The following CALN1 variants were observed in gnomAD, a reference collection of about 807,000 sequenced individuals.
CALN1 encodes the protein calneuron 1.
In CALN1, 17 loss-of-function variants were observed where a neutral mutation model predicts 30.6. The ratio of observed to expected loss-of-function variants is 0.56; its 90% CI spans 0.38 to 0.83. The LOEUF is 0.83. Among genes scored for constraint, CALN1 ranks in the 40% least tolerant of loss-of-function variants. The pLI is 0.00. For synonymous variants in CALN1, 156 were observed against 131.4 expected (o/e 1.19, Z -1.28); for missense variants, 291 against 354.9 (o/e 0.82, Z 1.45).
chr7:71,878,794 A>T (rs2116795867), intron 5 of CALN1, among the ~76,000 whole-genome samples: 1 of 152,306 alleles, frequency 6.6e-6, no homozygotes, highest in South Asian at 2.1e-4. Flanking sequence ...GTGCCAGTCA[A>T]AAGGAATGAC....
the CALN1 span, among the ~76,000 whole-genome samples, chr7:72,470,299 C>T: frequency 1.3e-5 from 2 of 152,138 alleles, no homozygotes; most frequent in African/African-American, 4.8e-5. Flanking sequence ...ATCCCAGCTA[C>T]TCAGGATGCT....
intron 3 of CALN1, among the ~76,000 whole-genome samples, chr7:72,176,983 T>C (rs1585097312): frequency 6.6e-6 from 1 of 152,084 alleles, no homozygotes; most frequent in African/African-American, 2.4e-5. Flanking sequence ...AGCGGCTGAG[T>C]GGAAACACCT....
chr7:72,060,226 T>A (rs780960559), intron 4 of CALN1, among the ~76,000 whole-genome samples: 1 of 152,204 alleles, frequency 6.6e-6, no homozygotes, highest in Non-Finnish European at 1.5e-5. Flanking sequence ...GGTGCTTACA[T>A]GCTCTGAAGG....
intron 5 of CALN1, among the ~76,000 whole-genome samples, chr7:71,893,887 A>G (rs1425553325): frequency 6.6e-6 from 1 of 152,056 alleles, no homozygotes; most frequent in Admixed American, 6.6e-5. Flanking sequence ...TATTGGTCCA[A>G]AGATCATCTC....
At chr7:72,336,949 T>A in intron 2 of CALN1, 1 of 984,764 alleles carries the variant, frequency 1.0e-6, no homozygotes, top group Non-Finnish European at 1.2e-6. Flanking sequence ...ACGAGCCCCC[T>A]CGTCGACTCG....
intron 5 of CALN1, among the ~76,000 whole-genome samples, chr7:71,925,736 T>C (rs947666941): frequency 6.6e-6 from 1 of 152,154 alleles, no homozygotes; most frequent in African/African-American, 2.4e-5. Flanking sequence ...GGAATCCCTT[T>C]GAGCATTTCT....
At chr7:72,043,380 A>T (rs1266970960) in intron 4 of CALN1, among the ~76,000 whole-genome samples, 1 of 152,238 alleles carries the variant, frequency 6.6e-6, no homozygotes, top group Non-Finnish European at 1.5e-5. Flanking sequence ...CAAAGTTTGT[A>T]TATGTATTAC....
At chr7:72,148,455 T>A (rs1290517065) in intron 3 of CALN1, among the ~76,000 whole-genome samples, 1 of 150,524 alleles carries the variant, frequency 6.6e-6, no homozygotes, top group Non-Finnish European at 1.5e-5. Context: ...GAAAAAAAAA[T>A]AGCCAGCTCT....
rs1562788108 is a variant in CALN1 at position 71,798,151 on chromosome 7, GAGAGAGA to G, written c.659-10256_659-10250del. ...AGAGAGAGAGAGAGAGAGAGAGAGA[GAGAGAGA>G]GAGAGAGAGAGAGAGAGATGTTGCT... is the stretch of plus-strand genomic sequence containing the variant. On this transcript the variant is annotated intron_variant, in intron 6 of 6. Coordinates refer to ENST00000395275, the MANE Select transcript of CALN1 (RefSeq NM_031468.4). Among the ~76,000 whole-genome samples the G allele has an allele frequency of 2.8e-3, 401 of 143,470 alleles. 4 individuals are homozygous for G. The highest frequency in any genetic ancestry group is 9.2e-3 in the African/African-American group (349 of 38,000). The allele number at this position is 143,470 out of a possible 152,430, so 94.1% of individuals were successfully genotyped here.
At position 71,784,817 on chromosome 7, in the gene CALN1, G is replaced by A; in HGVS notation, c.*2958C>T. On this transcript the variant is annotated 3_prime_UTR_variant, in exon 7 of 7. Transcript: ENST00000395275. The stretch of plus-strand genomic sequence containing the variant: ...AGTCACTTCCAGCTGGGGCTACATG[G>A]CATCCCTTGGGCATGGGAGACCAGG... 2 of 398,662 alleles carry A rather than the reference G, an allele frequency of 5.0e-6. No individual in the cohort carries two copies. The highest frequency in any genetic ancestry group is 4.4e-5 in the Admixed American group (1 of 22,720). 24.7% of individuals were successfully genotyped at this position (398,662 alleles called of 1,614,324 possible).
intron 4 of CALN1, among the ~76,000 whole-genome samples, chr7:72,058,762 T>C (rs1803449720): frequency 6.6e-6 from 1 of 152,066 alleles, no homozygotes; most frequent in Non-Finnish European, 1.5e-5. Flanking sequence ...CTATGAAAAA[T>C]ACGCCTTTGC....
chr7:72,336,058 T>G (rs535587717), intron 2 of CALN1, among the ~76,000 whole-genome samples: 55 of 152,196 alleles, frequency 3.6e-4, no homozygotes, highest in African/African-American at 1.3e-3. Context: ...GCTCAGAGAC[T>G]AGGTCCCAGC....
intron 2 of CALN1, among the ~76,000 whole-genome samples, chr7:72,397,850 T>C (rs1000633259): frequency 2.6e-5 from 4 of 151,888 alleles, no homozygotes; most frequent in African/African-American, 9.7e-5. Flanking sequence ...TTAAACACCA[T>C]TGATCATGCC....
chr7:71,934,908 C>T (rs781712121), intron 5 of CALN1, among the ~76,000 whole-genome samples: 4 of 152,210 alleles, frequency 2.6e-5, no homozygotes, highest in Non-Finnish European at 4.4e-5. Flanking sequence ...GTTTATAAAA[C>T]CATCAGATCT....
the CALN1 span, among the ~76,000 whole-genome samples, chr7:72,495,591 T>A: frequency 6.6e-6 from 1 of 152,094 alleles, no homozygotes; most frequent in Non-Finnish European, 1.5e-5. Flanking sequence ...AAGCCTGACC[T>A]CAAAGAAAAC....
At chr7:71,969,413 G>A (rs75491878) in intron 5 of CALN1, among the ~76,000 whole-genome samples, 4,828 of 152,114 alleles carry the variant, frequency 0.032, 422 homozygotes, top group East Asian at 0.22. Flanking sequence ...CTAGATACTT[G>A]TCAGAGACTA....
chr7:71,944,339 A>C (rs1378445626), intron 5 of CALN1, among the ~76,000 whole-genome samples: 1 of 152,182 alleles, frequency 6.6e-6, no homozygotes, highest in African/African-American at 2.4e-5. Context: ...TCACACCTGT[A>C]ATCCCAGCAC....
intron 2 of CALN1, among the ~76,000 whole-genome samples, chr7:72,318,704 CTTTTTTTTTTT>C (rs71069057): frequency 6.0e-4 from 43 of 72,002 alleles, no homozygotes; most frequent in Non-Finnish European, 7.6e-4. Flanking sequence ...CCATGTGTAG[CTTTTTTTTTTT>C]TTTTTTTTTT....
At chr7:72,391,612 T>A (rs1413539032) in intron 2 of CALN1, among the ~76,000 whole-genome samples, 1 of 151,562 alleles carries the variant, frequency 6.6e-6, no homozygotes, top group Non-Finnish European at 1.5e-5. Context: ...GATAATTGAA[T>A]CATGGAGGGG....
Sources: gnomAD v4.1 joint callset for allele counts (sites outside exome capture counted in the v4.1 genomes callset) on GRCh38, gnomAD v4.1.1 for gene constraint, MANE v1.5 for transcripts, NCBI Gene and HGNC (gene_info 2026-07-23, HGNC 2026-07-21) for gene names.